ZNF248: variants seen among roughly 807,000 people sequenced by gnomAD.
ZNF248 encodes zinc finger protein 248.
In ZNF248, 20 loss-of-function variants were observed where a neutral mutation model predicts 44.3. The ratio of observed to expected loss-of-function variants is 0.45; its 90% confidence interval spans 0.32 to 0.66. The LOEUF (loss-of-function observed/expected upper bound fraction) is 0.66. Among genes scored for constraint, ZNF248 ranks in the 30% least tolerant of loss-of-function variants. The pLI, the probability that ZNF248 is intolerant of heterozygous loss-of-function variation, is 0.04. For synonymous variants in ZNF248, 224 were observed against 229.0 expected (o/e 0.98, Z 0.20); for missense variants, 654 against 677.0 (o/e 0.97, Z 0.38).
chr10:37,837,102 G>A (rs914315030), intron 5 of ZNF248, among the ~76,000 whole-genome samples: 4 of 149,266 alleles, frequency 2.7e-5, no homozygotes, highest in Non-Finnish European at 4.5e-5. Context: ...AAAAAAAAGT[G>A]TTTGTTTTTT....
rs977689732 is a variant in ZNF248, at chr10:37,819,395, T to C, written c.330+13630A>G. 7.6e-6 allele frequency: 11 copies of C among 1,456,096 alleles called. No individual in the cohort carries two copies. In the African/African-American group the frequency reaches 1.5e-4, roughly 20 times the overall value. 90.2% of individuals were successfully genotyped at this position (1,456,096 alleles called of 1,614,324 possible). On this transcript the variant is annotated intron_variant, in intron 6 of 6. Coordinates refer to the ZNF248 transcript ENST00000615949. Reference sequence around the variant, plus strand: ...AATCCAGTATTCCCTACATGCATGCTTGTGGTAATTCTCCTTTTTCTCATC... The same window carrying C: ...AATCCAGTATTCCCTACATGCATGCCTGTGGTAATTCTCCTTTTTCTCATC...
chr10:37,789,655 T>C (rs1406334911), intron 6 of ZNF248, among the ~76,000 whole-genome samples: 1 of 152,174 alleles, frequency 6.6e-6, no homozygotes, highest in African/African-American at 2.4e-5. Flanking sequence ...GCATTCAGCC[T>C]CTCTCTGGTA....
rs929409863 is a variant in ZNF248 at position 37,777,320 on chromosome 10, C to T, written c.331-745G>A. The stretch of plus-strand genomic sequence containing the variant: ...CTCCTGAACAGTAACAACCAATGAA[C>T]TATGGACTCAGGTACTAAGCCACCC... On this transcript the variant is annotated intron_variant, in intron 6 of 6. Coordinates refer to the ZNF248 transcript ENST00000615949. Among the ~76,000 whole-genome samples, 8 of 152,198 alleles carry T rather than the reference C, an allele frequency of 5.3e-5. No individual in the cohort carries two copies. The South Asian group carries it at 1.7e-3, about 32-fold the overall frequency.
chr10:37,832,944 A>T lies in ZNF248; in HGVS notation c.411T>A (p.Tyr137Ter). The part of the protein sequence containing the change: ...TDPVSLRNYP[Y>*]KICDSCEMNL... ...TCATTTCACATGAGTCACATATTTTATAGGGATAATTTCTTAAAGAAACAG... is the reference window on the plus strand; with the variant it reads ...TCATTTCACATGAGTCACATATTTTTTAGGGATAATTTCTTAAAGAAACAG... The change falls in exon 6 of 6, where the codon TAT (tyrosine) becomes TAA (stop). Residue 137 changes from tyrosine to a stop codon, truncating the protein, a stop_gained. Coordinates refer to ENST00000395867, the MANE Select transcript of ZNF248 (RefSeq NM_021045.3). LOFTEE classifies it low-confidence loss of function (END_TRUNC). The T allele has an allele frequency of 6.2e-7, 1 of 1,613,438 alleles. No individual in the cohort carries two copies. The highest frequency in any genetic ancestry group is 8.5e-7 in the Non-Finnish European group (1 of 1,179,702).
At chr10:37,854,080 T>C (rs1295544966) in intron 3 of ZNF248, among the ~76,000 whole-genome samples, 1 of 152,192 alleles carries the variant, frequency 6.6e-6, no homozygotes, top group Non-Finnish European at 1.5e-5. Flanking sequence ...TTTAATTAAG[T>C]TTCTACATAC....
At chr10:37,852,449 A>G (rs1208662) in intron 3 of ZNF248, among the ~76,000 whole-genome samples, 9,098 of 152,024 alleles carry the variant, frequency 0.06, 352 homozygotes, top group Middle Eastern at 0.095. Context: ...TAGGTTGCCG[A>G]TTAATTTAGG....
At chr10:37,787,832 A>G (rs1398329609) in intron 6 of ZNF248, among the ~76,000 whole-genome samples, 1 of 152,228 alleles carries the variant, frequency 6.6e-6, no homozygotes. Flanking sequence ...ATTCATATAA[A>G]AAAAGTAAAC....
intron 6 of ZNF248, among the ~76,000 whole-genome samples, chr10:37,813,040 AG>A (rs2051804833): frequency 6.7e-6 from 1 of 149,498 alleles, no homozygotes; most frequent in Admixed American, 6.7e-5. Flanking sequence ...AAAAAAAAAA[AG>A]GTGGTGGAAG....
intron 3 of ZNF248, among the ~76,000 whole-genome samples, chr10:37,846,516 T>C (rs2059342327): frequency 6.6e-6 from 1 of 152,080 alleles, no homozygotes; most frequent in South Asian, 2.1e-4. Flanking sequence ...TATAGTGGCA[T>C]GCACCTGTAG....
At position 37,831,131 on chromosome 10, in the gene ZNF248, T is replaced by C. The variant is rs897340312; in HGVS notation, c.*484A>G. 1.7e-5 allele frequency: 25 copies of C among 1,453,166 alleles called. No individual in the cohort carries two copies. The highest frequency in any genetic ancestry group is 4.3e-5 in the African/African-American group (3 of 69,924). 90.0% of individuals were successfully genotyped at this position (1,453,166 alleles called of 1,614,324 possible). A position where few individuals can be genotyped will look rare whatever the true frequency, so the allele number is the denominator to read the frequency against. ...GTGTAGAAAATATTAACAAATACCATAGTAGTTACTCAATTAAGGGTACGT... is the reference window on the plus strand; with the variant it reads ...GTGTAGAAAATATTAACAAATACCACAGTAGTTACTCAATTAAGGGTACGT... On this transcript the variant is annotated 3_prime_UTR_variant, in exon 6 of 6. Transcript: ENST00000395867.
intron 6 of ZNF248, among the ~76,000 whole-genome samples, chr10:37,807,253 C>T (rs2050717051): frequency 6.6e-6 from 1 of 151,744 alleles, no homozygotes; most frequent in Admixed American, 6.6e-5. Flanking sequence ...TATTCTTTTT[C>T]ATTGTTCTAT....
At chr10:37,777,378 G>C (rs1335920519) in intron 6 of ZNF248, among the ~76,000 whole-genome samples, 1 of 152,090 alleles carries the variant, frequency 6.6e-6, no homozygotes. Flanking sequence ...TTCAGGACTT[G>C]CATAAACACC....
At chr10:37,773,055 T>A (rs2046328240), downstream of ZNF248, among the ~76,000 whole-genome samples, 1 of 152,180 alleles carries the variant, frequency 6.6e-6, no homozygotes, top group African/African-American at 2.4e-5. Flanking sequence ...GAGACCAGCC[T>A]GGCCAACATG....
chr10:37,777,692 C>G (rs1394676800), intron 6 of ZNF248, among the ~76,000 whole-genome samples: 2 of 126,374 alleles, frequency 1.6e-5, no homozygotes, highest in Non-Finnish European at 3.3e-5. Context: ...CCCCTCCCCC[C>G]ACCCCACAAC....
At position 37,832,225 on chromosome 10, in the gene ZNF248, T is replaced by A. The variant is rs1249281860; in HGVS notation, c.1130A>T (p.Glu377Val). ...ACATTCACCACATTCAAAGGTTTTT[T>A]CTCCTGTGTGAGCTCTCCGAAGCTG... ...LTQLRRAHTG[E>V]KTFECGECGK... is the part of the protein sequence containing the mutation. Residue 377 changes from glutamate to valine, a missense_variant, in exon 6 of 6, where the codon GAA becomes GTA. Glu to Val is a moderately radical substitution (Grantham distance 121, BLOSUM62 -2). Transcript: ENST00000395867. 5 of 1,614,094 alleles carry A rather than the reference T, an allele frequency of 3.1e-6. No homozygotes were observed. The highest frequency in any genetic ancestry group is 1.7e-6 in the Non-Finnish European group (2 of 1,179,970).
At position 37,856,747 on chromosome 10, in the gene ZNF248, A is replaced by C; in HGVS notation, c.-125-215T>G. 4.1e-6 allele frequency: 4 copies of C among 986,270 alleles called. No homozygotes were observed. The South Asian group carries it at 1.9e-4, about 46-fold the overall frequency. The allele number at this position is 986,270 out of a possible 1,614,324, so 61.1% of individuals were successfully genotyped here. On this transcript the variant is annotated intron_variant, in intron 1 of 5. Coordinates refer to ENST00000395867, the MANE Select transcript of ZNF248 (RefSeq NM_021045.3). ...AAAAAGGGATAGGATGTTAAATGCA[A>C]GTTTAAAAATGTTTGTTCTAACTTG...
chr10:37,805,859 A>G (rs1243280527), intron 6 of ZNF248, among the ~76,000 whole-genome samples: 1 of 152,204 alleles, frequency 6.6e-6, no homozygotes, highest in Non-Finnish European at 1.5e-5. Context: ...ACATATGCAT[A>G]TGTGTGTATA....
At chr10:37,771,302 G>T in the ZNF248 span, among the ~76,000 whole-genome samples, 1 of 152,078 alleles carries the variant, frequency 6.6e-6, no homozygotes. Flanking sequence ...AAATCATGCT[G>T]CTATAAAGAC....
intron 3 of ZNF248, among the ~76,000 whole-genome samples, chr10:37,844,904 T>C (rs1477219826): frequency 6.6e-6 from 1 of 151,698 alleles, no homozygotes; most frequent in Admixed American, 6.6e-5. Context: ...TTTCCTTTTC[T>C]TTTCCCTTCC....
Sources: allele counts gnomAD v4.1 joint callset (sites outside exome capture counted in the v4.1 genomes callset), GRCh38; gene constraint gnomAD v4.1.1; transcripts MANE v1.5; gene names NCBI Gene and HGNC (gene_info 2026-07-23, HGNC 2026-07-21).